The following TBC1D22A variants were observed in gnomAD, a reference collection of about 807,000 sequenced individuals.
TBC1D22A encodes the protein putative GTPase activator.
Under a neutral mutation model 60.2 loss-of-function variants are expected in TBC1D22A, and 38 were observed. The ratio of observed to expected loss-of-function variants is 0.63; its 90% confidence interval spans 0.49 to 0.83. TBC1D22A has a LOEUF of 0.83. TBC1D22A is among the 40% of genes least tolerant of loss of function. The probability of loss-of-function intolerance (pLI) is 0.00; values close to 1 mark genes in which losing one functional copy is unlikely to be tolerated. For synonymous variants in TBC1D22A, 302 were observed against 281.7 expected, an observed-to-expected ratio of 1.07 and a Z score of -0.72; for missense variants, 628 against 701.0, an observed-to-expected ratio of 0.90 and a Z score of 1.18.
At chr22:47,064,757 A>T (rs4492) in intron 11 of TBC1D22A, among the ~76,000 whole-genome samples, 71,430 of 151,814 alleles carry the variant, frequency 0.47, 17,465 homozygotes, top group East Asian at 0.58. Context: ...TCTCCTGTCT[A>T]CCATCTTACT....
intron 4 of TBC1D22A, among the ~76,000 whole-genome samples, chr22:46,813,358 A>G (rs888598666): frequency 2.0e-5 from 3 of 152,236 alleles, no homozygotes; most frequent in Non-Finnish European, 2.9e-5. Flanking sequence ...GATCCTTAGT[A>G]TGCGGCATTT....
chr22:47,088,372 A>G (rs1234488049), intron 11 of TBC1D22A, among the ~76,000 whole-genome samples: 1 of 152,228 alleles, frequency 6.6e-6, no homozygotes, highest in Non-Finnish European at 1.5e-5. Context: ...GGTCATGCCA[A>G]GAGCCCAATT....
chr22:47,159,019 TACACAC>T (rs3085388), intron 12 of TBC1D22A, among the ~76,000 whole-genome samples: 1 of 137,036 alleles, frequency 7.3e-6, no homozygotes. Context: ...TCACCATATA[TACACAC>T]ACACACACCA....
intron 4 of TBC1D22A, among the ~76,000 whole-genome samples, chr22:46,816,248 T>G (rs1227715546): frequency 2.0e-5 from 3 of 152,188 alleles, no homozygotes; most frequent in African/African-American, 7.2e-5. Flanking sequence ...CCCATGTGCC[T>G]CGTTCCCCCA....
chr22:47,137,511 C>T (rs1444902080), intron 12 of TBC1D22A, among the ~76,000 whole-genome samples: 1 of 152,152 alleles, frequency 6.6e-6, no homozygotes, highest in Admixed American at 6.5e-5. Flanking sequence ...GGGCAGCTTT[C>T]CTAGGTCTCC....
In TBC1D22A at chr22:47,094,907, G is replaced by T. The variant is rs2065111191; in HGVS notation, c.1330-16601G>T. On this transcript the variant is annotated intron_variant, in intron 11 of 12. Coordinates refer to ENST00000337137, the MANE Select transcript of TBC1D22A (RefSeq NM_014346.5). ...ACCTTTGTCTTTAACCAGTTGGAAT[G>T]TTCTCAAGACCTGGACAGACACATG... Among the ~76,000 whole-genome samples the T allele has an allele frequency of 2.0e-5, 3 of 152,080 alleles. No homozygotes were observed. The South Asian group carries it at 6.2e-4, about 32-fold the overall frequency.
chr22:47,139,859 C>A (rs1388924339), intron 12 of TBC1D22A, among the ~76,000 whole-genome samples: 2 of 152,230 alleles, frequency 1.3e-5, no homozygotes, highest in African/African-American at 4.8e-5. Context: ...TAATTCCTGC[C>A]AGTCCGTGAG....
chr22:47,168,780 C>T (rs1254710162), intron 12 of TBC1D22A, among the ~76,000 whole-genome samples: 2 of 141,194 alleles, frequency 1.4e-5, no homozygotes, highest in Non-Finnish European at 3.0e-5. Context: ...CGGGGGAGGT[C>T]AGTGTCCTCC....
chr22:46,980,984 C>A (rs546013323), intron 9 of TBC1D22A, among the ~76,000 whole-genome samples: 1 of 152,212 alleles, frequency 6.6e-6, no homozygotes, highest in Non-Finnish European at 1.5e-5. Flanking sequence ...ATGCTACTTA[C>A]AAGACACCGA....
At chr22:46,884,860 C>T (rs777041220) in intron 5 of TBC1D22A, among the ~76,000 whole-genome samples, 26 of 151,976 alleles carry the variant, frequency 1.7e-4, no homozygotes, top group African/African-American at 6.3e-4. Flanking sequence ...ATTTAAGCAG[C>T]GAAGTAAAAG....
chr22:46,846,492 C>T (rs903767712), intron 4 of TBC1D22A, among the ~76,000 whole-genome samples: 4 of 152,160 alleles, frequency 2.6e-5, no homozygotes, highest in African/African-American at 4.8e-5. Context: ...CTCTGCTCCT[C>T]GGGAAATGGA....
chr22:47,052,304 A>G (rs2063250970), intron 11 of TBC1D22A, among the ~76,000 whole-genome samples: 1 of 152,222 alleles, frequency 6.6e-6, no homozygotes, highest in African/African-American at 2.4e-5. Context: ...GAGGGTGCCC[A>G]TCGGCCATGC....
chr22:46,859,082 C>T (rs1235561162), intron 4 of TBC1D22A, among the ~76,000 whole-genome samples: 6 of 128,730 alleles, frequency 4.7e-5, no homozygotes, highest in South Asian at 2.5e-4. Flanking sequence ...TAGAGGTCCG[C>T]GCAGTGCTGT....
intron 4 of TBC1D22A, among the ~76,000 whole-genome samples, chr22:46,803,929 C>T (rs1317806953): frequency 2.0e-5 from 3 of 152,248 alleles, no homozygotes; most frequent in Non-Finnish European, 4.4e-5. Context: ...ATAGTAGGTA[C>T]TTGTCATTTG....
At chr22:47,148,214 G>A (rs918181410) in intron 12 of TBC1D22A, among the ~76,000 whole-genome samples, 4 of 152,072 alleles carry the variant, frequency 2.6e-5, no homozygotes, top group African/African-American at 4.8e-5. Context: ...AAGTGCCCCC[G>A]GCAGGTGTGC....
At chr22:46,793,362 G>T in intron 2 of TBC1D22A, 139 bp from the exon 3 acceptor site, 1 of 815,002 alleles carries the variant, frequency 1.2e-6, no homozygotes. Context: ...TCTGTGAATT[G>T]TGTTTGCTTT....
intron 4 of TBC1D22A, among the ~76,000 whole-genome samples, chr22:46,861,739 G>T (rs191929939): frequency 3.4e-4 from 52 of 152,360 alleles, no homozygotes; most frequent in Non-Finnish European, 1.2e-4. Context: ...GTGTATCCCG[G>T]CCGCACTGGG....
intron 11 of TBC1D22A, among the ~76,000 whole-genome samples, chr22:47,071,209 A>G (rs1440090684): frequency 6.6e-6 from 1 of 152,246 alleles, no homozygotes. Context: ...AAGAGCCCAC[A>G]TGCGCCTATC....
At chr22:46,826,478 A>G (rs1167100275) in intron 4 of TBC1D22A, among the ~76,000 whole-genome samples, 1 of 151,990 alleles carries the variant, frequency 6.6e-6, no homozygotes, top group Non-Finnish European at 1.5e-5. Flanking sequence ...CTTTTTTCAC[A>G]TCTTATGGGC....
Sources: allele counts gnomAD v4.1 joint callset (sites outside exome capture counted in the v4.1 genomes callset), GRCh38; gene constraint gnomAD v4.1.1; transcripts MANE v1.5; gene names NCBI Gene and HGNC (gene_info 2026-07-23, HGNC 2026-07-21).